The following MACROH2A1 variants were observed in gnomAD, a reference collection of about 807,000 sequenced individuals.
MACROH2A1 encodes core histone macro-H2A.1.
Under a neutral mutation model 31.6 loss-of-function variants are expected in MACROH2A1, and 2 were observed. The ratio of observed to expected loss-of-function variants is 0.06; its 90% confidence interval spans 0.03 to 0.20. The LOEUF (loss-of-function observed/expected upper bound fraction) is 0.20, where lower values mean the gene tolerates loss of function less well. Among genes scored for constraint, MACROH2A1 ranks in the 10% least tolerant of loss-of-function variants. The pLI, the probability that MACROH2A1 is intolerant of heterozygous loss-of-function variation, is 1.00. For missense variants in MACROH2A1, 230 were observed against 474.0 expected (o/e 0.49, Z 4.78); for synonymous variants, 169 against 189.6 (o/e 0.89, Z 0.89).
chr5:135,349,174 C>T (rs1001464940), intron 6 of MACROH2A1, among the ~76,000 whole-genome samples: 5 of 152,154 alleles, frequency 3.3e-5, no homozygotes, highest in Non-Finnish European at 5.9e-5. Flanking sequence ...GATACTTTTG[C>T]CTGGAAAGTT....
intron 7 of MACROH2A1, chr5:135,343,738 A>G: frequency 2.6e-6 from 1 of 390,972 alleles, no homozygotes; most frequent in Non-Finnish European, 4.7e-6. Context: ...CTTATCCATC[A>G]AAACTCAACT....
At chr5:135,358,832 G>A (rs539299689) in intron 5 of MACROH2A1, 19 of 984,782 alleles carry the variant, frequency 1.9e-5, no homozygotes, top group Non-Finnish European at 2.3e-5. Context: ...ATTTTTATTC[G>A]TGTGATGCCT....
intron 8 of MACROH2A1, 113 bp downstream of exon 8, chr5:135,343,147 T>G: frequency 6.3e-7 from 1 of 1,590,116 alleles, no homozygotes; most frequent in African/African-American, 1.3e-5. Flanking sequence ...CTGGTCTCCT[T>G]GGTTAAGGCA....
intron 2 of MACROH2A1, among the ~76,000 whole-genome samples, chr5:135,371,220 G>A (rs755946885): frequency 3.3e-5 from 5 of 152,154 alleles, no homozygotes; most frequent in Middle Eastern, 3.2e-3. Context: ...GGGTCGGGGC[G>A]AATGTTGGTC....
intron 4 of MACROH2A1, among the ~76,000 whole-genome samples, chr5:135,363,082 G>C (rs1228884096): frequency 2.0e-5 from 3 of 152,056 alleles, no homozygotes; most frequent in Admixed American, 6.5e-5. Flanking sequence ...TGGAAAATAA[G>C]ACTGGGTCTG....
intron 2 of MACROH2A1, among the ~76,000 whole-genome samples, chr5:135,371,335 T>C (rs1264686820): frequency 2.0e-5 from 3 of 152,206 alleles, no homozygotes; most frequent in Non-Finnish European, 4.4e-5. Context: ...AAATAATAGA[T>C]TTTAAAAGTT....
intron 1 of MACROH2A1, among the ~76,000 whole-genome samples, chr5:135,394,017 C>T (rs1213551130): frequency 6.6e-6 from 1 of 151,828 alleles, no homozygotes; most frequent in African/African-American, 2.4e-5. Flanking sequence ...GTTCTTTTAG[C>T]ACAGGACTAA....
At chr5:135,383,715 G>GTA (rs1310253738) in intron 2 of MACROH2A1, among the ~76,000 whole-genome samples, 1 of 139,838 alleles carries the variant, frequency 7.2e-6, no homozygotes, top group Admixed American at 6.8e-5. Flanking sequence ...GTGTGTGTGT[G>GTA]TGTGTGTGTG....
intron 5 of MACROH2A1, chr5:135,359,055 C>A (rs1762521064): frequency 1.0e-6 from 1 of 985,282 alleles, no homozygotes; most frequent in African/African-American, 1.7e-5. Context: ...GACATTTTTA[C>A]AGCCATATTT....
chr5:135,367,961 C>T (rs886870223), intron 4 of MACROH2A1, among the ~76,000 whole-genome samples: 4 of 152,192 alleles, frequency 2.6e-5, no homozygotes, highest in African/African-American at 4.8e-5. Context: ...TGAGCAGTGG[C>T]GCATTCTGTG....
chr5:135,358,133 C>A, intron 5 of MACROH2A1: 1 of 984,842 alleles, frequency 1.0e-6, no homozygotes, highest in Non-Finnish European at 1.2e-6. Flanking sequence ...GTGTTAGTTT[C>A]ATGATTTTTG....
In MACROH2A1 at chr5:135,398,935, A is replaced by G. The variant is rs1768450260; in HGVS notation, c.-34+127T>C. ...GAGGACCCGGCGTGGGCCACACCGAACCCGGCGGCCCGAGCCCGGCCCGCA... is the reference window on the plus strand; with the variant it reads ...GAGGACCCGGCGTGGGCCACACCGAGCCCGGCGGCCCGAGCCCGGCCCGCA... On this transcript the variant is annotated intron_variant, in intron 1 of 8. Transcript: ENST00000511689. This position sits in a 1 kb window ranked among gnomAD's most constrained non-coding sequence, Gnocchi z 4.6. 1 of 146,066 alleles carries G rather than the reference A, an allele frequency of 6.8e-6. No individual in the cohort carries two copies. Among genetic ancestry groups the G allele is most frequent in the Non-Finnish European group, 1.5e-5 (1 of 66,572 alleles). The allele number at this position is 146,066 out of a possible 1,614,324, so 9.0% of individuals were successfully genotyped here.
Position 135,334,699 on chromosome 5 carries a change from C to G in MACROH2A1, c.*277G>C. On this transcript the variant is annotated 3_prime_UTR_variant, in exon 9 of 9. Transcript: ENST00000511689. ...CACTGCTGTGCGTCAATCAGGGTTTCATTAAAATAAAACTATAAAATCTCC... is the reference window on the plus strand; with the variant it reads ...CACTGCTGTGCGTCAATCAGGGTTTGATTAAAATAAAACTATAAAATCTCC... The G allele has an allele frequency of 3.1e-6, 1 of 327,832 alleles. No individual in the cohort carries two copies. The highest frequency in any genetic ancestry group is 5.6e-6 in the Non-Finnish European group (1 of 177,266). The allele number at this position is 327,832 out of a possible 1,614,324, so 20.3% of individuals were successfully genotyped here.
chr5:135,341,841 T>C (rs1217766380), intron 8 of MACROH2A1, among the ~76,000 whole-genome samples: 1 of 152,234 alleles, frequency 6.6e-6, no homozygotes, highest in African/African-American at 2.4e-5. Flanking sequence ...TTGCTCAGGC[T>C]CGCCCAGAAG....
At chr5:135,365,512 T>G (rs1763393283) in intron 4 of MACROH2A1, among the ~76,000 whole-genome samples, 1 of 152,192 alleles carries the variant, frequency 6.6e-6, no homozygotes. Context: ...CCTTCTGTAA[T>G]GAATCTGCAC....
At chr5:135,383,286 G>A (rs1765901342) in intron 2 of MACROH2A1, among the ~76,000 whole-genome samples, 1 of 152,228 alleles carries the variant, frequency 6.6e-6, no homozygotes, top group Non-Finnish European at 1.5e-5. Context: ...GTAAGAGTAT[G>A]CACTGTGATG....
chr5:135,360,000 G>C, intron 5 of MACROH2A1: 1 of 667,420 alleles, frequency 1.5e-6, no homozygotes, highest in Non-Finnish European at 1.9e-6. Flanking sequence ...AGAGTCATCT[G>C]GTGGTTCAGT....
chr5:135,372,891 A>C (rs1764360324), intron 2 of MACROH2A1, among the ~76,000 whole-genome samples: 2 of 152,168 alleles, frequency 1.3e-5, no homozygotes, highest in South Asian at 4.1e-4. Context: ...CCCCTTTTGG[A>C]GGCCACAACG....
At chr5:135,341,982 G>A (rs1759962289) in intron 8 of MACROH2A1, among the ~76,000 whole-genome samples, 1 of 152,218 alleles carries the variant, frequency 6.6e-6, no homozygotes, top group East Asian at 1.9e-4. Flanking sequence ...GCAGTGGCAG[G>A]TACTCTGTCC....
Sources: allele counts gnomAD v4.1 joint callset (sites outside exome capture counted in the v4.1 genomes callset), GRCh38; gene constraint gnomAD v4.1.1; non-coding constraint Gnocchi (gnomAD v3.1); transcripts MANE v1.5; gene names NCBI Gene and HGNC (gene_info 2026-07-23, HGNC 2026-07-21).